GRTP1: variants seen among roughly 807,000 people sequenced by gnomAD.
GRTP1 encodes the protein growth hormone-regulated TBC protein 1.
In GRTP1, 56 loss-of-function variants were observed where a neutral mutation model predicts 38.1. The observed-to-expected ratio is 1.47, with a 90% CI of 1.19 to 1.84. The LOEUF (loss-of-function observed/expected upper bound fraction) is 1.84. Ranked by LOEUF, GRTP1 falls within the 40% of genes most tolerant of loss-of-function variation. The pLI is 0.00. For synonymous variants in GRTP1, 217 were observed against 189.5 expected (o/e 1.14, Z -1.19); for missense variants, 506 against 453.9 (o/e 1.11, Z -1.04).
intron 3 of GRTP1, 80 bp from the exon 4 acceptor site, chr13:113,351,053 C>G: frequency 6.3e-7 from 1 of 1,583,380 alleles, no homozygotes; most frequent in Non-Finnish European, 8.6e-7. Context: ...CGAGGGTGGC[C>G]ACCTGGGTTC....
intron 5 of GRTP1, among the ~76,000 whole-genome samples, chr13:113,328,163 TC>T (rs1170174547): frequency 6.6e-6 from 1 of 151,968 alleles, no homozygotes; most frequent in African/African-American, 2.4e-5. Flanking sequence ...CGCGCCGCTA[TC>T]CCCCCAGGCT....
intron 5 of GRTP1, among the ~76,000 whole-genome samples, chr13:113,334,971 C>T (rs1267678611): frequency 3.3e-5 from 5 of 151,768 alleles, no homozygotes; most frequent in Non-Finnish European, 1.5e-5. Flanking sequence ...TACAGGTGCC[C>T]GCCACCACGC....
intron 2 of GRTP1, among the ~76,000 whole-genome samples, chr13:113,357,807 G>A (rs1043821517): frequency 6.6e-6 from 1 of 152,182 alleles, no homozygotes; most frequent in African/African-American, 2.4e-5. Flanking sequence ...AACTGAGAGG[G>A]ACAGAAGCAG....
chr13:113,328,287 C>G (rs954641056), intron 5 of GRTP1, among the ~76,000 whole-genome samples: 2 of 152,228 alleles, frequency 1.3e-5, no homozygotes, highest in African/African-American at 4.8e-5. Flanking sequence ...GGGCACAGCT[C>G]TGACACTCCC....
At chr13:113,338,346 C>A (rs1371487109) in intron 5 of GRTP1, among the ~76,000 whole-genome samples, 1 of 152,178 alleles carries the variant, frequency 6.6e-6, no homozygotes, top group Non-Finnish European at 1.5e-5. Context: ...CCACGGGGAG[C>A]GTGTCCTCAG....
Position 113,343,496 on chromosome 13 carries a change from T to C in GRTP1, c.562+1367A>G, listed in dbSNP as rs1375846534. Among the ~76,000 whole-genome samples the C allele has an allele frequency of 6.6e-6, 1 of 152,190 alleles. No individual in the cohort carries two copies. Among genetic ancestry groups the C allele is most frequent in the East Asian group, 1.9e-4 (1 of 5,192 alleles). ...GGTGGCGCTGATTCCTCCCTGCCCT[T>C]AATGATGCACTTGAGCTTTGCCCCA... is the stretch of plus-strand genomic sequence containing the variant. On this transcript the variant is annotated intron_variant, in intron 5 of 7. Coordinates refer to ENST00000375431, the MANE Select transcript of GRTP1 (RefSeq NM_024719.4). This position sits in a 1 kb window ranked among gnomAD's most constrained non-coding sequence, Gnocchi z 4.8.
At chr13:113,352,357 A>ATT (rs373137038) in intron 3 of GRTP1, among the ~76,000 whole-genome samples, 7 of 97,490 alleles carry the variant, frequency 7.2e-5, no homozygotes, top group East Asian at 4.7e-4. Context: ...ATTTATATAT[A>ATT]TTTTATATAT....
rs1390577078 is a variant in GRTP1, at chr13:113,349,508, G to A, written c.465+1341C>T. 6.6e-6 allele frequency among the ~76,000 whole-genome samples: 1 copy of A among 152,202 alleles called. No individual in the cohort carries two copies. The highest frequency in any genetic ancestry group is 1.9e-4 in the East Asian group (1 of 5,200). On this transcript the variant is annotated intron_variant, in intron 4 of 7. Coordinates refer to ENST00000375431, the MANE Select transcript of GRTP1 (RefSeq NM_024719.4). This position sits in a 1 kb window ranked among gnomAD's most constrained non-coding sequence, Gnocchi z 5.0. Reference sequence around the variant, plus strand: ...TTCTACCTCAACTCCAGAAGGCCACGTTCTTGCTCCTGGACAGTCATAAAA... The same window carrying A: ...TTCTACCTCAACTCCAGAAGGCCACATTCTTGCTCCTGGACAGTCATAAAA...
chr13:113,325,572 G>A (rs1028030048), intron 7 of GRTP1, 89 bp downstream of exon 7: 1 of 1,602,918 alleles, frequency 6.2e-7, no homozygotes, highest in Non-Finnish European at 8.5e-7. Context: ...CCCGTCCTGT[G>A]CACCCTCCGG....
Position 113,326,084 on chromosome 13 carries a change from G to A in GRTP1, c.570C>T (p.Tyr190=), listed in dbSNP as rs1186259985. 1 of 1,608,452 alleles carries A rather than the reference G, an allele frequency of 6.2e-7. No individual in the cohort carries two copies. Among genetic ancestry groups the A allele is most frequent in the Non-Finnish European group, 8.5e-7 (1 of 1,179,910 alleles). ...ALVGRILPDY[Y]SPAMLGLKTD... ...TCTTCAGGCCCAGCATGGCCGGGCTGTAGTAATCTGCCAGGCAATGTGGAG... is the reference window on the plus strand; with the variant it reads ...TCTTCAGGCCCAGCATGGCCGGGCTATAGTAATCTGCCAGGCAATGTGGAG... Residue 190 remains tyrosine (Y), a synonymous_variant, in exon 6 of 8, where the codon TAC becomes TAT. Coordinates refer to ENST00000375431, the MANE Select transcript of GRTP1 (RefSeq NM_024719.4).
At chr13:113,331,941 C>G (rs1010620690) in intron 5 of GRTP1, among the ~76,000 whole-genome samples, 2 of 150,640 alleles carry the variant, frequency 1.3e-5, no homozygotes, top group Non-Finnish European at 3.0e-5. Flanking sequence ...ACAGGCGTGA[C>G]CCACCATGCC....
intron 5 of GRTP1, among the ~76,000 whole-genome samples, chr13:113,334,336 T>A (rs1193047958): frequency 6.7e-6 from 1 of 149,618 alleles, no homozygotes; most frequent in Non-Finnish European, 1.5e-5. Flanking sequence ...CTGTGACTTT[T>A]GCACCTAGAA....
rs918813204 is a variant in GRTP1, at chr13:113,348,949, T to C, written c.465+1900A>G. On this transcript the variant is annotated intron_variant, in intron 4 of 7. Coordinates refer to ENST00000375431, the MANE Select transcript of GRTP1 (RefSeq NM_024719.4). The surrounding 1 kb of genome is among the most constrained non-coding windows in gnomAD (Gnocchi z 4.8). ...CCCACAGCAAGCTAACAGGTGCACA[T>C]CTCCGCACACACATGTACGTATGTG... Among the ~76,000 whole-genome samples the C allele has an allele frequency of 2.6e-5, 4 of 152,196 alleles. No homozygotes were observed. The highest frequency in any genetic ancestry group is 9.6e-5 in the African/African-American group (4 of 41,480).
intron 5 of GRTP1, among the ~76,000 whole-genome samples, chr13:113,329,769 G>A (rs1265618175): frequency 6.6e-6 from 1 of 152,202 alleles, no homozygotes; most frequent in Non-Finnish European, 1.5e-5. Context: ...CATTTGTGGG[G>A]CTCACCCCCA....
At chr13:113,331,523 C>T (rs2139409126) in intron 5 of GRTP1, among the ~76,000 whole-genome samples, 1 of 152,294 alleles carries the variant, frequency 6.6e-6, no homozygotes, top group South Asian at 2.1e-4. Context: ...CCCGAGCCAG[C>T]CTCTCTGCAT....
chr13:113,346,065 C>T (rs573573771), intron 4 of GRTP1, among the ~76,000 whole-genome samples: 31 of 75,424 alleles, frequency 4.1e-4, no homozygotes, highest in African/African-American at 5.8e-4. Flanking sequence ...CCCGGGAGGA[C>T]CTCTGCGGCT....
rs780916478 is a variant in GRTP1, at chr13:113,324,466, G to A, written c.*22C>T. 5 of 1,586,338 alleles carry A rather than the reference G, an allele frequency of 3.2e-6. No homozygotes were observed. In the African/African-American group the frequency reaches 4.0e-5, roughly 13 times the overall value. On this transcript the variant is annotated 3_prime_UTR_variant, in exon 8 of 8. Coordinates refer to ENST00000375431, the MANE Select transcript of GRTP1 (RefSeq NM_024719.4). ...AGGGGCATCGTCAGTGTAGAGACGA[G>A]CAACGCAGGGGACAGGCACGCTCAC...
At chr13:113,345,990 G>C (rs1322606042) in intron 4 of GRTP1, among the ~76,000 whole-genome samples, 22 of 151,242 alleles carry the variant, frequency 1.5e-4, no homozygotes, top group African/African-American at 4.9e-4. Flanking sequence ...TTGTGGCCGA[G>C]AGTGGACCCG....
At position 113,355,413 on chromosome 13, in the gene GRTP1, C is replaced by A. The variant is rs1356812598; in HGVS notation, c.250G>T (p.Ala84Ser). ...RARVWMVLSG[A>S]QAQMDQNPGY... The stretch of plus-strand genomic sequence containing the variant: ...GGATTCTGGTCCATCTGCGCCTGGG[C>A]CCCACTCAGCACCATCCAGACGCGG... The change falls in exon 3 of 8, where the codon GCC (alanine) becomes TCC (serine). Residue 84 changes from alanine to serine, a missense_variant. Ala to Ser is a moderately conservative substitution (Grantham distance 99, BLOSUM62 1). Coordinates refer to ENST00000375431, the MANE Select transcript of GRTP1 (RefSeq NM_024719.4). The A allele has an allele frequency of 1.2e-6, 2 of 1,614,088 alleles. No individual in the cohort carries two copies. Among genetic ancestry groups the A allele is most frequent in the Non-Finnish European group, 1.7e-6 (2 of 1,179,992 alleles).
Sources: gnomAD v4.1 joint callset for allele counts (sites outside exome capture counted in the v4.1 genomes callset) on GRCh38, gnomAD v4.1.1 for gene constraint, Gnocchi (gnomAD v3.1) non-coding constraint, MANE v1.5 for transcripts, NCBI Gene and HGNC (gene_info 2026-07-23, HGNC 2026-07-21) for gene names.